TRPM2: variants seen among roughly 807,000 people sequenced by gnomAD.
TRPM2 encodes estrogen-responsive element-associated gene 1 protein.
A neutral mutation model predicts 174.0 loss-of-function variants in TRPM2; 161 were observed. The ratio of observed to expected loss-of-function variants is 0.93; its 90% confidence interval spans 0.81 to 1.05. TRPM2 has a LOEUF of 1.05. TRPM2 is among the 50% of genes least tolerant of loss of function. The pLI, the probability that TRPM2 is intolerant of heterozygous loss-of-function variation, is 0.00. For synonymous variants in TRPM2, 954 were observed against 861.3 expected, an observed-to-expected ratio of 1.11 and a Z score of -1.88; for missense variants, 2,057 against 2,038.0, an observed-to-expected ratio of 1.01 and a Z score of -0.18.
chr21:44,403,746 GATGCACACAC>G (rs1457750967), intron 16 of TRPM2, among the ~76,000 whole-genome samples: 4 of 146,150 alleles, frequency 2.7e-5, no homozygotes, highest in Admixed American at 2.0e-4. Flanking sequence ...TGCATATAGA[GATGCACACAC>G]ATGCATACAC....
At chr21:44,384,136 A>T (rs560081525) in intron 9 of TRPM2, among the ~76,000 whole-genome samples, 1 of 152,200 alleles carries the variant, frequency 6.6e-6, no homozygotes, top group Admixed American at 6.5e-5. Flanking sequence ...AAGAAAGAAG[A>T]TTCATATTAC....
intron 20 of TRPM2, 96 bp downstream of exon 20, chr21:44,414,170 T>A: frequency 1.4e-6 from 2 of 1,461,708 alleles, no homozygotes; most frequent in Non-Finnish European, 9.3e-7. Context: ...GTGGACAGTG[T>A]GGATGATGGG....
intron 7 of TRPM2, 42 bp downstream of exon 7, chr21:44,377,815 C>G (rs773974570): frequency 6.2e-7 from 1 of 1,608,520 alleles, no homozygotes; most frequent in African/African-American, 1.3e-5. Flanking sequence ...TGGGCCCGTC[C>G]TGCTGCAGGC....
At chr21:44,357,201 C>A (rs1057408458) in intron 2 of TRPM2, among the ~76,000 whole-genome samples, 3 of 152,228 alleles carry the variant, frequency 2.0e-5, no homozygotes, top group Admixed American at 6.5e-5. Flanking sequence ...GCCGCTGACA[C>A]CCTGACCTGC....
chr21:44,408,377 A>C (rs1191793774), intron 19 of TRPM2, among the ~76,000 whole-genome samples: 1 of 151,958 alleles, frequency 6.6e-6, no homozygotes, highest in African/African-American at 2.4e-5. Context: ...TCCATGTTTA[A>C]GTTTTTGTGG....
intron 4 of TRPM2, among the ~76,000 whole-genome samples, chr21:44,368,265 G>T (rs1428879297): frequency 6.6e-6 from 1 of 152,070 alleles, no homozygotes; most frequent in African/African-American, 2.4e-5. Context: ...GACTAGAGGC[G>T]TATGCCACCA....
chr21:44,373,068 C>T (rs1379672530), intron 5 of TRPM2, among the ~76,000 whole-genome samples: 4 of 152,156 alleles, frequency 2.6e-5, no homozygotes, highest in South Asian at 2.1e-4. Flanking sequence ...GCAGACCTTT[C>T]CTGTGATGCT....
At position 44,414,024 on chromosome 21, in the gene TRPM2, C is replaced by T; in HGVS notation, c.3096C>T (p.Tyr1032=). Residue 1032 remains tyrosine (Y), a synonymous_variant, in exon 20 of 32, where the codon TAC becomes TAT. Coordinates refer to ENST00000397928, the MANE Select transcript of TRPM2 (RefSeq NM_003307.4). ...TGACGGTCCTCCTACTCTGCCTCTA[C>T]CTGCTCTTCACCAACATCCTGCTGC... is the stretch of plus-strand genomic sequence containing the variant. The part of the protein sequence containing the change: ...EWLTVLLLCL[Y]LLFTNILLLN... 6.2e-7 allele frequency: 1 copy of T among 1,613,666 alleles called. No individual in the cohort carries two copies. Among genetic ancestry groups the T allele is most frequent in the Non-Finnish European group, 8.5e-7 (1 of 1,180,006 alleles).
rs762010561 is a variant in TRPM2, at chr21:44,391,575, C to T, written c.1744C>T (p.His582Tyr). Reference protein sequence around the residue: ...FTQPLYPRPRHNDRLRLLLPV... With the variant: ...FTQPLYPRPRYNDRLRLLLPV... ...GCAGCCGCTTTATCCCCGGCCCCGG[C>T]ACAACGACCGGCTGCGGCTCCTGCT... Residue 582 changes from histidine (H) to tyrosine (Y), a missense_variant, in exon 11 of 32, where the codon CAC becomes TAC. Coordinates refer to ENST00000397928, the MANE Select transcript of TRPM2 (RefSeq NM_003307.4). This position sits in a 1 kb window ranked among gnomAD's most constrained non-coding sequence, Gnocchi z 5.0. 6.3e-7 allele frequency: 1 copy of T among 1,592,132 alleles called. No individual in the cohort carries two copies. The highest frequency in any genetic ancestry group is 1.1e-5 in the South Asian group (1 of 90,610).
chr21:44,366,747 C>G lies in TRPM2; in HGVS notation c.424-7C>G. On this transcript the variant is annotated splice_region_variant and splice_polypyrimidine_tract_variant and intron_variant, in intron 3 of 31. Coordinates refer to ENST00000397928, the MANE Select transcript of TRPM2 (RefSeq NM_003307.4). This position sits in a 1 kb window ranked among gnomAD's most constrained non-coding sequence, Gnocchi z 6.0. ...AGGTTCCCTCCGCCGTTTTCCCTTT[C>G]CCGCAGTACGTCCGAGTCTCCCAGG... 1 of 1,613,954 alleles carries G rather than the reference C, an allele frequency of 6.2e-7. No homozygotes were observed. Among genetic ancestry groups the G allele is most frequent in the Non-Finnish European group, 8.5e-7 (1 of 1,179,984 alleles).
rs761122173 is a variant in TRPM2 at position 44,399,368 on chromosome 21, G to A, written c.2135G>A (p.Trp712Ter). 6.2e-7 allele frequency: 1 copy of A among 1,612,802 alleles called. No individual in the cohort carries two copies. The highest frequency in any genetic ancestry group is 8.5e-7 in the Non-Finnish European group (1 of 1,179,866). The change falls in exon 14 of 32, where the codon TGG (tryptophan) becomes TAG (stop). Residue 712 changes from tryptophan to a stop codon, truncating the protein, a stop_gained. Transcript: ENST00000397928. LOFTEE classifies it high-confidence loss of function. This position sits in a 1 kb window ranked among gnomAD's most constrained non-coding sequence, Gnocchi z 4.6. The part of the protein sequence containing the change: ...QKLLTRVSEA[W>*]GKTTCLQLAL... Reference sequence around the variant, plus strand: ...CTGCTCACCCGCGTGTCCGAGGCCTGGGGGAAGACCACCTGCCTGCAGCTC... The same window carrying A: ...CTGCTCACCCGCGTGTCCGAGGCCTAGGGGAAGACCACCTGCCTGCAGCTC...
chr21:44,402,735 G>A (rs537116545), intron 16 of TRPM2, among the ~76,000 whole-genome samples: 5 of 152,292 alleles, frequency 3.3e-5, no homozygotes, highest in South Asian at 4.1e-4. Flanking sequence ...CAGGTGGGGC[G>A]AATCCCTTAC....
intron 22 of TRPM2, among the ~76,000 whole-genome samples, chr21:44,421,650 C>T (rs1209201848): frequency 6.6e-6 from 1 of 152,062 alleles, no homozygotes; most frequent in African/African-American, 2.4e-5. Flanking sequence ...GTGGCTCATG[C>T]CTGTGATCCC....
rs951768775 is a variant in TRPM2, at chr21:44,427,216, CA to C, written c.3974+112del. ...AAGCATTTTTCTCATAAAACAAAAT[CA>C]AAAAAAGCACGTGAGCCACCGAAAG... On this transcript the variant is annotated intron_variant, in intron 27 of 31. Coordinates refer to ENST00000397928, the MANE Select transcript of TRPM2 (RefSeq NM_003307.4). 1.3e-4 allele frequency: 131 copies of C among 995,746 alleles called. No homozygotes were observed. In the African/African-American group the frequency reaches 1.9e-3, roughly 14 times the overall value. 61.7% of individuals were successfully genotyped at this position (995,746 alleles called of 1,614,324 possible). A position where few individuals can be genotyped will look rare whatever the true frequency, so the allele number is the denominator to read the frequency against.
chr21:44,356,179 G>A (rs1331773932), intron 2 of TRPM2, among the ~76,000 whole-genome samples: 1 of 134,396 alleles, frequency 7.4e-6, no homozygotes, highest in Admixed American at 7.1e-5. Flanking sequence ...ACTGCATCTG[G>A]CTATGTTATT....
rs754308315 is a variant in TRPM2, at chr21:44,379,119, C to T, written c.1137C>T (p.Ile379=). 6 of 1,613,640 alleles carry T rather than the reference C, an allele frequency of 3.7e-6. No individual in the cohort carries two copies. The highest frequency in any genetic ancestry group is 1.1e-5 in the South Asian group (1 of 91,088). The change falls in exon 8 of 32, where the codon ATC becomes ATT. Residue 379 remains isoleucine, a synonymous_variant. Coordinates refer to ENST00000397928, the MANE Select transcript of TRPM2 (RefSeq NM_003307.4). ...TCTCGGACATCACTATCTCCCTGAT[C>T]CAGCAGAAACTGAGCGTGTTCTTCC... is the stretch of plus-strand genomic sequence containing the variant. ...LPVSDITISL[I]QQKLSVFFQE... is the part of the protein sequence containing the mutation.
Position 44,426,733 on chromosome 21 carries a change from G to A in TRPM2, c.3869G>A (p.Gly1290Glu). 2 of 1,614,028 alleles carry A rather than the reference G, an allele frequency of 1.2e-6. No homozygotes were observed. The change falls in exon 26 of 32, where the codon GGA (glycine) becomes GAA (glutamate). Residue 1290 changes from glycine (G) to glutamate (E), a missense_variant. Coordinates refer to ENST00000397928, the MANE Select transcript of TRPM2 (RefSeq NM_003307.4). ...GACGCGGCCGCCATGGACCCCATGG[G>A]AGAGTGAGTATGAGCCGCTGTCCGT... ...RKDAAAMDPMGDTLEPLSTIQ... is the reference protein window; with the variant it reads ...RKDAAAMDPMEDTLEPLSTIQ...
At position 44,400,352 on chromosome 21, in the gene TRPM2, A is replaced by C; in HGVS notation, c.2302A>C (p.Thr768Pro). The change falls in exon 15 of 32, where the codon ACC (threonine) becomes CCC (proline). Residue 768 changes from threonine (T) to proline (P), a missense_variant. By Grantham distance (38) the Thr-to-Pro change is conservative. Transcript: ENST00000397928. ...LCMLAFPLLLTGLISFREKRL... is the reference protein window; with the variant it reads ...LCMLAFPLLLPGLISFREKRL... ...CATGCTGGCCTTCCCGCTGCTCCTC[A>C]CCGGCCTCATCTCCTTCAGGTGCTG... 2 of 1,611,748 alleles carry C rather than the reference A, an allele frequency of 1.2e-6. No individual in the cohort carries two copies. Among genetic ancestry groups the C allele is most frequent in the Non-Finnish European group, 1.7e-6 (2 of 1,179,730 alleles).
chr21:44,426,769 G>C (rs147761715), intron 26 of TRPM2, 33 bp downstream of exon 26: 18 of 1,611,728 alleles, frequency 1.1e-5, no homozygotes, highest in Non-Finnish European at 1.0e-5. Flanking sequence ...GCTCCCAGCT[G>C]GCCCCAAACC....
Sources: gnomAD v4.1 joint callset for allele counts (sites outside exome capture counted in the v4.1 genomes callset) on GRCh38, gnomAD v4.1.1 for gene constraint, Gnocchi (gnomAD v3.1) non-coding constraint, MANE v1.5 for transcripts, NCBI Gene and HGNC (gene_info 2026-07-23, HGNC 2026-07-21) for gene names.